CYP4F8: variants seen among roughly 807,000 people sequenced by gnomAD.
CYP4F8 encodes the protein cytochrome P450 4F8.
CYP4F8 carries 56 observed loss-of-function variants against 55.0 expected under a neutral mutation model. That is an observed-to-expected ratio of 1.02 (90% CI 0.82 to 1.27). CYP4F8 has a LOEUF of 1.27. Among genes scored for constraint, CYP4F8 ranks in the 50% most tolerant of loss-of-function variants. The pLI, the probability that CYP4F8 is intolerant of heterozygous loss-of-function variation, is 0.00. For synonymous variants in CYP4F8, 288 were observed against 267.3 expected (o/e 1.08, Z -0.76); for missense variants, 680 against 682.4 (o/e 1.00, Z 0.04).
intron 6 of CYP4F8, 49 bp downstream of exon 6, chr19:15,622,389 G>T: frequency 1.3e-6 from 2 of 1,536,222 alleles, no homozygotes; most frequent in Non-Finnish European, 1.8e-6. Context: ...TGGGGGTGTG[G>T]GTGTGGGGAG....
At position 15,615,616 on chromosome 19, in the gene CYP4F8, G is replaced by A. The variant is rs1227632779; in HGVS notation, c.-1G>A. The A allele has an allele frequency of 6.2e-7, 1 of 1,613,248 alleles. No individual in the cohort carries two copies. The highest frequency in any genetic ancestry group is 8.5e-7 in the Non-Finnish European group (1 of 1,179,724). On this transcript the variant is annotated splice_region_variant and 5_prime_UTR_variant, in exon 2 of 13. Transcript: ENST00000612078. ...ACCCTCCATCCCGTCTGCCCTGCAGGATGTCGCTGCTGAGCCTGTCTTGGC... is the reference window on the plus strand; with the variant it reads ...ACCCTCCATCCCGTCTGCCCTGCAGAATGTCGCTGCTGAGCCTGTCTTGGC...
Position 15,629,266 on chromosome 19 carries a change from A to C in CYP4F8, c.1471A>C (p.Ile491Leu), listed in dbSNP as rs1050594126. Residue 491 changes from isoleucine to leucine, a missense_variant, in exon 13 of 13, where the codon ATC (isoleucine) becomes CTC (leucine). Coordinates refer to ENST00000612078, the MANE Select transcript of CYP4F8 (RefSeq NM_007253.4). ...GGCGCTCACGCTGCTGCGCTTCCGCATCCTGCCCGACCACAGGGAGCCACG... is the reference window on the plus strand; with the variant it reads ...GGCGCTCACGCTGCTGCGCTTCCGCCTCCTGCCCGACCACAGGGAGCCACG... ...VLALTLLRFR[I>L]LPDHREPRRT... 3.7e-6 allele frequency: 6 copies of C among 1,613,396 alleles called. No individual in the cohort carries two copies. Among genetic ancestry groups the C allele is most frequent in the Non-Finnish European group, 5.1e-6 (6 of 1,179,752 alleles).
At chr19:15,621,154 A>G (rs994592410) in intron 5 of CYP4F8, among the ~76,000 whole-genome samples, 2 of 152,194 alleles carry the variant, frequency 1.3e-5, no homozygotes, top group African/African-American at 4.8e-5. Context: ...TAGAGCAAGC[A>G]GAATAAGCCT....
chr19:15,628,672 C>T (rs1359268131), intron 11 of CYP4F8, 77 bp downstream of exon 11: 1 of 1,606,320 alleles, frequency 6.2e-7, no homozygotes, highest in South Asian at 1.1e-5. Context: ...CAGATACTCC[C>T]TCTCTACTCC....
chr19:15,618,032 G>A lies in CYP4F8; in HGVS notation c.231G>A (p.Leu77=). Residue 77 remains leucine, a synonymous_variant, in exon 3 of 13, where the codon CTG becomes CTA. Transcript: ENST00000612078. ...CCACAGAGGAGGGCTTGAGGGTCCT[G>A]ACCCAGCTGGTGGCCACCTACCCCC... ...VTPTEEGLRV[L]TQLVATYPQG... 1 of 1,614,106 alleles carries A rather than the reference G, an allele frequency of 6.2e-7. No homozygotes were observed. Among genetic ancestry groups the A allele is most frequent in the South Asian group, 1.1e-5 (1 of 91,080 alleles).
chr19:15,623,267 C>T lies in CYP4F8; in HGVS notation c.810C>T (p.Val270=), dbSNP rs1357777721. Residue 270 remains valine (V), a synonymous_variant, in exon 7 of 13, where the codon GTC becomes GTT. Transcript: ENST00000612078. ...CRLVHDFTDA[V]IQERRRTLTS... ...TGGTGCACGACTTCACAGATGCCGT[C>T]ATCCAGGAGCGGCGCCGCACCCTCA... 8 of 1,614,116 alleles carry T rather than the reference C, an allele frequency of 5.0e-6. No homozygotes were observed. The highest frequency in any genetic ancestry group is 6.8e-6 in the Non-Finnish European group (8 of 1,180,036).
chr19:15,628,127 G>T, intron 9 of CYP4F8, 175 bp from the exon 10 acceptor site: 1 of 913,862 alleles, frequency 1.1e-6, no homozygotes, highest in South Asian at 1.7e-5. Flanking sequence ...AAAACACCAG[G>T]TCAACTTTTC....
In CYP4F8 at chr19:15,630,535, T is replaced by G. The variant is rs942370378; in HGVS notation, c.*1177T>G. 1.7e-4 allele frequency: 26 copies of G among 152,380 alleles called. No homozygotes were observed. The highest frequency in any genetic ancestry group is 5.8e-4 in the African/African-American group (24 of 41,592). 9.4% of individuals were successfully genotyped at this position (152,380 alleles called of 1,614,324 possible). On this transcript the variant is annotated 3_prime_UTR_variant, in exon 13 of 13. Coordinates refer to ENST00000612078, the MANE Select transcript of CYP4F8 (RefSeq NM_007253.4). Reference sequence around the variant, plus strand: ...TGACTGCATAGTATTTCATGGTGTATTTCTACACATTTTCTTTATCCACTC... The same window carrying G: ...TGACTGCATAGTATTTCATGGTGTAGTTCTACACATTTTCTTTATCCACTC...
chr19:15,621,302 T>G (rs1972190963), intron 5 of CYP4F8, among the ~76,000 whole-genome samples: 1 of 151,968 alleles, frequency 6.6e-6, no homozygotes, highest in South Asian at 2.1e-4. Flanking sequence ...AGCACATTGG[T>G]ATCACTTGAG....
chr19:15,615,521 T>C, intron 1 of CYP4F8, 95 bp from the exon 2 acceptor site: 1 of 1,378,888 alleles, frequency 7.3e-7, no homozygotes, highest in East Asian at 2.6e-5. Flanking sequence ...TCTCCCTCCA[T>C]GCTCTTAACC....
rs1280380499 is a variant in CYP4F8, at chr19:15,629,268, C to T, written c.1473C>T (p.Ile491=). The change falls in exon 13 of 13, where the codon ATC becomes ATT. Residue 491 remains isoleucine (I), a synonymous_variant. Transcript: ENST00000612078. ...VLALTLLRFR[I]LPDHREPRRT... is the part of the protein sequence containing the mutation. ...CGCTCACGCTGCTGCGCTTCCGCATCCTGCCCGACCACAGGGAGCCACGCA... is the reference window on the plus strand; with the variant it reads ...CGCTCACGCTGCTGCGCTTCCGCATTCTGCCCGACCACAGGGAGCCACGCA... The T allele has an allele frequency of 6.2e-7, 1 of 1,613,430 alleles. No individual in the cohort carries two copies. The highest frequency in any genetic ancestry group is 2.2e-5 in the East Asian group (1 of 44,848).
chr19:15,625,213 C>A (rs1972246345), intron 9 of CYP4F8, among the ~76,000 whole-genome samples: 1 of 151,176 alleles, frequency 6.6e-6, no homozygotes, highest in African/African-American at 2.4e-5. Flanking sequence ...CCTTTGAAAT[C>A]TATGTTGGAA....
chr19:15,619,398 A>G, intron 3 of CYP4F8, 92 bp from the exon 4 acceptor site: 1 of 1,474,836 alleles, frequency 6.8e-7, no homozygotes. Flanking sequence ...TGGAGAAAAG[A>G]CGTCCAAACC....
At chr19:15,623,623 A>G (rs1322574074) in intron 7 of CYP4F8, 76 bp from the exon 8 acceptor site, 1 of 1,532,070 alleles carries the variant, frequency 6.5e-7, no homozygotes, top group Non-Finnish European at 8.9e-7. Flanking sequence ...CTTCTGGGAT[A>G]ATGGGTCTTC....
At chr19:15,615,547 T>C in intron 1 of CYP4F8, 69 bp from the exon 2 acceptor site, 3 of 1,525,686 alleles carry the variant, frequency 2.0e-6, no homozygotes, top group South Asian at 1.2e-5. Flanking sequence ...TACCCATCAT[T>C]GGTCCTGGAG....
intron 9 of CYP4F8, 199 bp from the exon 10 acceptor site, chr19:15,628,103 C>G: frequency 2.6e-6 from 2 of 764,284 alleles, no homozygotes; most frequent in Non-Finnish European, 4.1e-6. Flanking sequence ...TTGTTTTGCT[C>G]AGAAATACCT....
chr19:15,619,792 G>A (rs1972170982), intron 5 of CYP4F8, 30 bp downstream of exon 5: 1 of 1,610,676 alleles, frequency 6.2e-7, no homozygotes, highest in East Asian at 2.2e-5. Flanking sequence ...CATCCCAGCT[G>A]CAGCCTTGGG....
intron 2 of CYP4F8, among the ~76,000 whole-genome samples, chr19:15,617,327 GA>G (rs1342968298): frequency 6.6e-6 from 1 of 152,188 alleles, no homozygotes; most frequent in East Asian, 1.9e-4. Flanking sequence ...GAGCAGGAGG[GA>G]GTGGAGATTA....
rs1568380834 is a variant in CYP4F8 at position 15,616,042 on chromosome 19, G to GCC, written c.198+229_198+230insCC. 1.6e-4 allele frequency among the ~76,000 whole-genome samples: 12 copies of GCC among 74,998 alleles called. 4 individuals carry two copies. In the East Asian group the frequency reaches 1.8e-3, roughly 11 times the overall value. The allele number at this position is 74,998 out of a possible 152,430, so 49.2% of individuals were successfully genotyped here. A position where few individuals can be genotyped will look rare whatever the true frequency, so the allele number is the denominator to read the frequency against. On this transcript the variant is annotated intron_variant, in intron 2 of 12. Coordinates refer to ENST00000612078, the MANE Select transcript of CYP4F8 (RefSeq NM_007253.4). Reference sequence around the variant, plus strand: ...TCTCCTCACTCACTCATTCCTCTGCGCACTCACTCATTCCTCTCCTCACTC... The same window carrying GCC: ...TCTCCTCACTCACTCATTCCTCTGCGCCCACTCACTCATTCCTCTCCTCACTC...
Sources: gnomAD v4.1 joint callset for allele counts (sites outside exome capture counted in the v4.1 genomes callset) on GRCh38, gnomAD v4.1.1 for gene constraint, MANE v1.5 for transcripts, NCBI Gene and HGNC (gene_info 2026-07-23, HGNC 2026-07-21) for gene names.